Variants in SARDH observed in about 807,000 individuals in gnomAD.
SARDH encodes the protein sarcosine dehydrogenase.
A neutral mutation model predicts 109.1 loss-of-function variants in SARDH; 95 were observed. The observed-to-expected ratio is 0.87, with a 90% CI of 0.74 to 1.03. The LOEUF is 1.03. Ranked by LOEUF, SARDH falls within the 50% of genes least tolerant of loss-of-function variation. The probability of loss-of-function intolerance (pLI) is 0.00; values close to 1 mark genes in which losing one functional copy is unlikely to be tolerated. For synonymous variants in SARDH, 572 were observed against 534.8 expected, an observed-to-expected ratio of 1.07 and a Z score of -0.96; for missense variants, 1,267 against 1,287.8, an observed-to-expected ratio of 0.98 and a Z score of 0.25.
At chr9:133,699,757 C>G (rs148204556) in intron 13 of SARDH, among the ~76,000 whole-genome samples, 2,295 of 152,212 alleles carry the variant, frequency 0.015, 60 homozygotes, top group African/African-American at 0.052. Flanking sequence ...CACTGGAACC[C>G]TCTCGCACTG....
At chr9:133,729,919 T>C (rs1032673411) in intron 5 of SARDH, 54 bp from the exon 6 acceptor site, 7 of 1,599,844 alleles carry the variant, frequency 4.4e-6, no homozygotes, top group Non-Finnish European at 6.0e-6. Flanking sequence ...GGGAGCTGCC[T>C]CTCAGGTGTG....
At chr9:133,665,576 T>TTGAGGGATATGTCATC in intron 20 of SARDH, among the ~76,000 whole-genome samples, 1 of 152,134 alleles carries the variant, frequency 6.6e-6, no homozygotes, top group East Asian at 1.9e-4. Flanking sequence ...ACAAAGCAAG[T>TTGAGGGATATGTCATC]AAAAGGCAGA....
At position 133,728,353 on chromosome 9, in the gene SARDH, C is replaced by T. The variant is rs1332691925; in HGVS notation, c.915+1412G>A. ...GCTGGCACAGGGTGGCAATGGGCAG[C>T]CCCCAGGGACGAGGCTCCCAGCTCA... On this transcript the variant is annotated intron_variant, in intron 6 of 20. Coordinates refer to ENST00000439388, the MANE Select transcript of SARDH (RefSeq NM_001134707.2). The surrounding 1 kb of genome is among the most constrained non-coding windows in gnomAD (Gnocchi z 5.0). 1.3e-5 allele frequency among the ~76,000 whole-genome samples: 2 copies of T among 152,110 alleles called. No homozygotes were observed. Among genetic ancestry groups the T allele is most frequent in the East Asian group, 3.9e-4 (2 of 5,194 alleles).
Position 133,712,917 on chromosome 9 carries a change from C to T in SARDH, c.1237+121G>A. ...GGGAAGCAGAAGGGGCTGGACTCCCCAGCCTCTCCTGTCCCCACCACTGTC... is the reference window on the plus strand; with the variant it reads ...GGGAAGCAGAAGGGGCTGGACTCCCTAGCCTCTCCTGTCCCCACCACTGTC... On this transcript the variant is annotated intron_variant, in intron 9 of 20. Transcript: ENST00000439388. This position sits in a 1 kb window ranked among gnomAD's most constrained non-coding sequence, Gnocchi z 4.1. 1 of 1,095,356 alleles carries T rather than the reference C, an allele frequency of 9.1e-7. No individual in the cohort carries two copies. Among genetic ancestry groups the T allele is most frequent in the Non-Finnish European group, 1.3e-6 (1 of 749,536 alleles). 67.9% of individuals were successfully genotyped at this position (1,095,356 alleles called of 1,614,324 possible).
At chr9:133,736,727 A>C (rs994562524) in intron 1 of SARDH, among the ~76,000 whole-genome samples, 2 of 152,176 alleles carry the variant, frequency 1.3e-5, no homozygotes, top group African/African-American at 2.4e-5. Flanking sequence ...TTAAGAACGG[A>C]GGTCTCACAA....
rs1456407028 is a variant in SARDH at position 133,666,807 on chromosome 9, C to T, written c.2559G>A (p.Arg853=). ...WRNGQVVGHV[R]RADFGFAIDK... ...CGATGGCGAACCCAAAGTCAGCCCTCCGGACATGGCCCACCACTTGGCCGT... is the reference window on the plus strand; with the variant it reads ...CGATGGCGAACCCAAAGTCAGCCCTTCGGACATGGCCCACCACTTGGCCGT... Residue 853 remains arginine, a synonymous_variant, in exon 20 of 21, where the codon CGG becomes CGA. Transcript: ENST00000439388. The surrounding 1 kb of genome is among the most constrained non-coding windows in gnomAD (Gnocchi z 5.2). 1.9e-6 allele frequency: 3 copies of T among 1,608,030 alleles called. No homozygotes were observed. Among genetic ancestry groups the T allele is most frequent in the South Asian group, 2.2e-5 (2 of 89,864 alleles).
chr9:133,707,310 G>C (rs955055367), intron 11 of SARDH, among the ~76,000 whole-genome samples: 2 of 152,160 alleles, frequency 1.3e-5, no homozygotes, highest in Admixed American at 1.3e-4. Context: ...GGAGGCTTCT[G>C]AACTGTCAGG....
intron 7 of SARDH, 37 bp from the exon 8 acceptor site, chr9:133,717,492 C>A (rs747891770): frequency 1.6e-5 from 25 of 1,611,060 alleles, no homozygotes; most frequent in African/African-American, 2.7e-5. Context: ...TCCGTTGTCC[C>A]CAAGAAGGCC....
upstream of SARDH, among the ~76,000 whole-genome samples, chr9:133,739,354 G>A (rs370583182): frequency 9.2e-5 from 14 of 152,314 alleles, no homozygotes; most frequent in East Asian, 1.5e-3. Context: ...GAGGATGTCC[G>A]ACTGTCTTGT....
At chr9:133,695,763 G>C (rs1831263814) in intron 14 of SARDH, among the ~76,000 whole-genome samples, 2 of 152,050 alleles carry the variant, frequency 1.3e-5, no homozygotes, top group African/African-American at 4.8e-5. Context: ...CGAAAAGGCA[G>C]ATGAAGATCC....
At chr9:133,710,885 A>G (rs1175060119) in intron 10 of SARDH, among the ~76,000 whole-genome samples, 2 of 152,210 alleles carry the variant, frequency 1.3e-5, no homozygotes, top group Non-Finnish European at 2.9e-5. Context: ...CCTGGGTGCC[A>G]CCAGCCAGGC....
In SARDH at chr9:133,717,353, C is replaced by T; in HGVS notation, c.1123G>A (p.Gly375Arg). 1.9e-6 allele frequency: 3 copies of T among 1,614,140 alleles called. No individual in the cohort carries two copies. Among genetic ancestry groups the T allele is most frequent in the Non-Finnish European group, 2.5e-6 (3 of 1,179,988 alleles). ...INRVPVLEKT[G>R]IKSTVCGPES... ...GGGCCGCAGACCGTGGACTTGATTC[C>T]TGTCTTCTCCAGCACGGGGACCCTG... Residue 375 changes from glycine (G) to arginine (R), a missense_variant, in exon 8 of 21, where the codon GGA (glycine) becomes AGA (arginine). By Grantham distance (125) the Gly-to-Arg change is moderately radical. Transcript: ENST00000439388.
At chr9:133,708,741 G>T (rs1831801171) in intron 10 of SARDH, among the ~76,000 whole-genome samples, 1 of 152,192 alleles carries the variant, frequency 6.6e-6, no homozygotes, top group Admixed American at 6.5e-5. Context: ...TGCTGCCTAG[G>T]TTCCAGTGCT....
chr9:133,702,839 A>G (rs1831540393), intron 13 of SARDH, 77 bp downstream of exon 13: 2 of 1,374,624 alleles, frequency 1.5e-6, no homozygotes, highest in Non-Finnish European at 2.0e-6. Context: ...CTGCAGGGCC[A>G]GCCGAGGGCC....
At chr9:133,697,094 A>T (rs1407876036) in intron 13 of SARDH, among the ~76,000 whole-genome samples, 1 of 152,228 alleles carries the variant, frequency 6.6e-6, no homozygotes, top group Non-Finnish European at 1.5e-5. Flanking sequence ...TCAAAGTGCT[A>T]AAATCAGGAA....
At chr9:133,689,550 A>T (rs142560889) in intron 16 of SARDH, among the ~76,000 whole-genome samples, 1 of 152,276 alleles carries the variant, frequency 6.6e-6, no homozygotes, top group East Asian at 1.9e-4. Flanking sequence ...CCTGGCACTG[A>T]CCAGCTGTGT....
At position 133,666,909 on chromosome 9, in the gene SARDH, C is replaced by T. The variant is rs199664033; in HGVS notation, c.2496-39G>A. On this transcript the variant is annotated intron_variant, in intron 19 of 20. Coordinates refer to ENST00000439388, the MANE Select transcript of SARDH (RefSeq NM_001134707.2). The surrounding 1 kb of genome is among the most constrained non-coding windows in gnomAD (Gnocchi z 5.2). ...TAGAGAAAGCTGGGGCCCCAGAAAC[C>T]GCAGGGTGGGGACGCGTCCACAGCG... 1,738 of 1,610,362 alleles carry T rather than the reference C, an allele frequency of 1.1e-3. 29 individuals carry two copies. In the South Asian group the frequency reaches 0.018, roughly 17 times the overall value.
chr9:133,729,456 A>G (rs1832598647), intron 6 of SARDH, among the ~76,000 whole-genome samples: 1 of 152,146 alleles, frequency 6.6e-6, no homozygotes, highest in South Asian at 2.1e-4. Flanking sequence ...GGCACAGAAC[A>G]TGGCAAAAAG....
chr9:133,713,263 C>T (rs1028577624), intron 8 of SARDH, 139 bp from the exon 9 acceptor site: 1 of 674,990 alleles, frequency 1.5e-6, no homozygotes, highest in African/African-American at 1.8e-5. Context: ...AGGCCCTGCT[C>T]AGCGCCACTT....
Sources: gnomAD v4.1 joint callset for allele counts (sites outside exome capture counted in the v4.1 genomes callset) on GRCh38, gnomAD v4.1.1 for gene constraint, Gnocchi (gnomAD v3.1) non-coding constraint, MANE v1.5 for transcripts, NCBI Gene and HGNC (gene_info 2026-07-23, HGNC 2026-07-21) for gene names.